The following LRRC7 variants were observed in gnomAD, a reference collection of about 807,000 sequenced individuals.
LRRC7 encodes the protein leucine-rich repeat-containing protein 7.
Under a neutral mutation model 175.7 loss-of-function variants are expected in LRRC7, and 23 were observed. The observed-to-expected ratio is 0.13, with a 90% CI of 0.09 to 0.19. LRRC7 has a LOEUF of 0.19. Ranked by LOEUF, LRRC7 falls within the 10% of genes least tolerant of loss-of-function variation. The pLI is 1.00. For synonymous variants in LRRC7, 685 were observed against 680.9 expected, an observed-to-expected ratio of 1.01 and a Z score of -0.09; for missense variants, 1,354 against 1,904.7, an observed-to-expected ratio of 0.71 and a Z score of 5.38.
chr1:70,107,504 T>C (rs1395851049), intron 25 of LRRC7, among the ~76,000 whole-genome samples: 1 of 152,210 alleles, frequency 6.6e-6, no homozygotes, highest in Non-Finnish European at 1.5e-5. Flanking sequence ...TGCCATGAGA[T>C]CAATTTATAA....
chr1:69,960,614 G>A (rs1395315504), intron 8 of LRRC7, among the ~76,000 whole-genome samples: 2 of 150,736 alleles, frequency 1.3e-5, no homozygotes, highest in Admixed American at 1.3e-4. Context: ...TTTTATGTGA[G>A]CATTCAGTGC....
chr1:70,108,098 A>G (rs1665266170), intron 26 of LRRC7, among the ~76,000 whole-genome samples: 1 of 149,258 alleles, frequency 6.7e-6, no homozygotes, highest in Non-Finnish European at 1.5e-5. Context: ...TATAAGAAAT[A>G]TATATATTAT....
intron 26 of LRRC7, among the ~76,000 whole-genome samples, chr1:70,116,241 GTACTTAACAC>G (rs1026455470): frequency 1.2e-4 from 18 of 152,132 alleles, no homozygotes; most frequent in African/African-American, 4.3e-4. Flanking sequence ...GTACATGTGT[GTACTTAACAC>G]AGAAGAGAAA....
At chr1:69,818,840 G>C (rs1429047823) in intron 4 of LRRC7, among the ~76,000 whole-genome samples, 1 of 151,904 alleles carries the variant, frequency 6.6e-6, no homozygotes, top group Non-Finnish European at 1.5e-5. Flanking sequence ...ATATCAATAA[G>C]AATTTATTTC....
intron 7 of LRRC7, among the ~76,000 whole-genome samples, chr1:69,887,532 A>T (rs987933046): frequency 1.3e-5 from 2 of 150,790 alleles, no homozygotes; most frequent in African/African-American, 4.9e-5. Context: ...AATTTTTTTC[A>T]AAGTTTTCAA....
chr1:69,921,314 C>T (rs1268605335), intron 7 of LRRC7, among the ~76,000 whole-genome samples: 2 of 151,872 alleles, frequency 1.3e-5, no homozygotes, highest in Admixed American at 6.6e-5. Flanking sequence ...GACTTTTTGC[C>T]TGAGCTCCAG....
intron 3 of LRRC7, among the ~76,000 whole-genome samples, chr1:69,768,036 G>A (rs1201787957): frequency 6.6e-6 from 1 of 152,064 alleles, no homozygotes; most frequent in Non-Finnish European, 1.5e-5. Flanking sequence ...CTCATGCTGG[G>A]CTTTGTAGCT....
Position 70,038,677 on chromosome 1 carries a change from C to T in LRRC7, c.2853C>T (p.His951=), listed in dbSNP as rs77157341. 20,670 of 1,614,146 alleles carry T rather than the reference C, an allele frequency of 0.013. 177 individuals carry two copies. The highest frequency in any genetic ancestry group is 0.022 in the Middle Eastern group (131 of 6,060). The change falls in exon 21 of 27, where the codon CAC becomes CAT. Residue 951 remains histidine (H), a synonymous_variant. Coordinates refer to ENST00000651989, the MANE Select transcript of LRRC7 (RefSeq NM_001370785.2). The stretch of plus-strand genomic sequence containing the variant: ...TTAGTAATGTCTTTTCTCAAATCCA[C>T]TGCCGCCCGGAATCTTCTAAAGGTG... ...RSLSNVFSQI[H]CRPESSKGVI...
chr1:69,799,975 CCAG>C (rs1676273207), intron 4 of LRRC7, among the ~76,000 whole-genome samples: 1 of 151,982 alleles, frequency 6.6e-6, no homozygotes, highest in African/African-American at 2.4e-5. Context: ...TCCAGTTTTC[CCAG>C]CAGCATTTAT....
intron 11 of LRRC7, among the ~76,000 whole-genome samples, chr1:70,010,752 A>T (rs561036257): frequency 6.6e-6 from 1 of 152,332 alleles, no homozygotes; most frequent in South Asian, 2.1e-4. Context: ...ACTGCAATGT[A>T]TCTGGTGCTT....
At chr1:69,640,548 C>T (rs2100426133) in intron 1 of LRRC7, among the ~76,000 whole-genome samples, 1 of 150,880 alleles carries the variant, frequency 6.6e-6, no homozygotes, top group East Asian at 1.9e-4. Context: ...AATCATTAAA[C>T]ATAGATATTT....
intron 8 of LRRC7, among the ~76,000 whole-genome samples, chr1:69,946,769 A>T (rs1649363864): frequency 6.6e-6 from 1 of 151,790 alleles, no homozygotes; most frequent in South Asian, 2.1e-4. Context: ...ATTCACTTTC[A>T]TCCTATGTAT....
chr1:69,896,429 A>G (rs1394767783), intron 7 of LRRC7, among the ~76,000 whole-genome samples: 1 of 152,182 alleles, frequency 6.6e-6, no homozygotes, highest in Non-Finnish European at 1.5e-5. Flanking sequence ...GTACCCATTA[A>G]TCAACCTGTT....
intron 8 of LRRC7, among the ~76,000 whole-genome samples, chr1:69,933,103 G>GC (rs1647559788): frequency 6.6e-6 from 1 of 152,182 alleles, no homozygotes; most frequent in African/African-American, 2.4e-5. Context: ...GCCCTCACCA[G>GC]CCATGACCTC....
chr1:69,795,246 G>A (rs1389130985), intron 4 of LRRC7, among the ~76,000 whole-genome samples: 2 of 152,090 alleles, frequency 1.3e-5, no homozygotes, highest in Admixed American at 6.6e-5. Flanking sequence ...TGGATGTGGT[G>A]GCACATGCCT....
chr1:69,770,068 C>A (rs1438815476), intron 3 of LRRC7, among the ~76,000 whole-genome samples: 1 of 152,136 alleles, frequency 6.6e-6, no homozygotes, highest in South Asian at 2.1e-4. Context: ...CTGGGCCACA[C>A]AATGCTGATT....
Position 70,136,201 on chromosome 1 carries a change from C to T in LRRC7, c.*14314C>T, listed in dbSNP as rs571657200. Among the ~76,000 whole-genome samples the T allele has an allele frequency of 6.6e-6, 1 of 151,128 alleles. No homozygotes were observed. The highest frequency in any genetic ancestry group is 2.1e-4 in the South Asian group (1 of 4,744). On this transcript the variant is annotated 3_prime_UTR_variant, in exon 27 of 27. Coordinates refer to ENST00000651989, the MANE Select transcript of LRRC7 (RefSeq NM_001370785.2). The stretch of plus-strand genomic sequence containing the variant: ...ACCTAGGGCCCTAGGTCATCATAAA[C>T]TACTCAAAGTGAAGGGACTATATTT...
Position 69,994,546 on chromosome 1 carries a change from T to G in LRRC7, c.932-15T>G, listed in dbSNP as rs760036662. 3.2e-6 allele frequency: 5 copies of G among 1,558,108 alleles called. No individual in the cohort carries two copies. The highest frequency in any genetic ancestry group is 4.4e-6 in the Non-Finnish European group (5 of 1,131,074). ...TCTGCTCTTATGTATTAATCAACCTTCTTCTCTGCTTTAGGACTTTTGAAA... is the reference window on the plus strand; with the variant it reads ...TCTGCTCTTATGTATTAATCAACCTGCTTCTCTGCTTTAGGACTTTTGAAA... On this transcript the variant is annotated splice_polypyrimidine_tract_variant and intron_variant, in intron 10 of 26. Transcript: ENST00000651989.
chr1:70,052,988 C>G (rs768977172), intron 22 of LRRC7, 38 bp from the exon 23 acceptor site: 2 of 1,553,642 alleles, frequency 1.3e-6, no homozygotes, highest in African/African-American at 2.7e-5. Flanking sequence ...TAAACTTCTA[C>G]TACATCACTA....
Sources: gnomAD v4.1 joint callset for allele counts (sites outside exome capture counted in the v4.1 genomes callset) on GRCh38, gnomAD v4.1.1 for gene constraint, MANE v1.5 for transcripts, NCBI Gene and HGNC (gene_info 2026-07-23, HGNC 2026-07-21) for gene names.